Variants in TTC5 observed in about 807,000 individuals in gnomAD.
The protein encoded by TTC5 is tetratricopeptide repeat protein 5.
A neutral mutation model predicts 57.4 loss-of-function variants in TTC5; 46 were observed. The observed-to-expected ratio is 0.80, with a 90% CI of 0.63 to 1.03. The LOEUF (loss-of-function observed/expected upper bound fraction) is 1.03. TTC5 is among the 50% of genes least tolerant of loss of function. The probability of loss-of-function intolerance (pLI) is 0.00; values close to 1 mark genes in which losing one functional copy is unlikely to be tolerated. For synonymous variants in TTC5, 190 were observed against 203.5 expected (o/e 0.93, Z 0.57); for missense variants, 504 against 528.1 (o/e 0.95, Z 0.45).
intron 5 of TTC5, 57 bp downstream of exon 5, chr14:20,298,740 A>C: frequency 8.0e-7 from 1 of 1,253,240 alleles, no homozygotes; most frequent in Middle Eastern, 1.9e-4. Flanking sequence ...AAGACTGAAC[A>C]ATGCTCTTGC....
intron 6 of TTC5, 53 bp from the exon 7 acceptor site, chr14:20,295,907 G>A: frequency 6.7e-7 from 1 of 1,484,730 alleles, no homozygotes; most frequent in African/African-American, 1.4e-5. Flanking sequence ...ACTATCCCGA[G>A]GGAATGGCAC....
chr14:20,303,168 G>A (rs1029546894), intron 1 of TTC5, among the ~76,000 whole-genome samples: 2 of 149,566 alleles, frequency 1.3e-5, no homozygotes, highest in African/African-American at 5.0e-5. Context: ...CTCCAGCCTG[G>A]CAACAGAGCA....
intron 9 of TTC5, among the ~76,000 whole-genome samples, chr14:20,291,011 G>A (rs55828204): frequency 0.059 from 8,914 of 151,922 alleles, 370 homozygotes; most frequent in Middle Eastern, 0.11. Context: ...AAAATATTAC[G>A]CTTCTGTCCA....
chr14:20,294,912 C>G (rs1882028349), intron 8 of TTC5: 1 of 187,790 alleles, frequency 5.3e-6, no homozygotes, highest in Non-Finnish European at 1.1e-5. Context: ...TAACTCAAAG[C>G]TCACTTTTCA....
chr14:20,290,626 T>C (rs1445273591), intron 9 of TTC5, among the ~76,000 whole-genome samples: 4 of 152,352 alleles, frequency 2.6e-5, no homozygotes, highest in South Asian at 4.1e-4. Context: ...CAAAGAATTA[T>C]TTGGCAATAT....
At chr14:20,292,460 G>C (rs894051307) in intron 8 of TTC5, 1 of 157,724 alleles carries the variant, frequency 6.3e-6, no homozygotes, top group African/African-American at 2.4e-5. Context: ...AAATATTAAT[G>C]ATGAACTAGA....
chr14:20,305,778 C>A, intron 1 of TTC5, 109 bp downstream of exon 1: 1 of 1,159,250 alleles, frequency 8.6e-7, no homozygotes, highest in South Asian at 1.2e-5. Context: ...CACACAGACG[C>A]ACGCAGCTTC....
Position 20,299,339 on chromosome 14 carries a change from T to C in TTC5, c.506A>G (p.Lys169Arg). 1 of 1,614,188 alleles carries C rather than the reference T, an allele frequency of 6.2e-7. No homozygotes were observed. The highest frequency in any genetic ancestry group is 2.2e-5 in the East Asian group (1 of 44,878). ...ATGGACATCCATCTGAACAGCCAAC[T>C]TAGCCTGTCGGACACTGTCCATGAC... is the stretch of plus-strand genomic sequence containing the variant. ...HHVMDSVRQA[K>R]LAVQMDVHDG... The change falls in exon 4 of 10, where the codon AAG (lysine) becomes AGG (arginine). Residue 169 changes from lysine (K) to arginine (R), a missense_variant. Transcript: ENST00000258821.
Position 20,300,703 on chromosome 14 carries a change from G to A in TTC5, c.300C>T (p.Pro100=), listed in dbSNP as rs192263592. ...GCTGGTTCCAGGCTTCCACCAGCTC[G>A]GGCTCCAGCTTCACAGCCTTTGACA... ...ELLSKAVKLE[P]ELVEAWNQLG... The change falls in exon 3 of 10, where the codon CCC becomes CCT. Residue 100 remains proline (P), a synonymous_variant. Coordinates refer to ENST00000258821, the MANE Select transcript of TTC5 (RefSeq NM_138376.3). 3.6e-4 allele frequency: 581 copies of A among 1,614,128 alleles called. 5 individuals carry two copies. In the East Asian group the frequency reaches 1.0e-2, roughly 28 times the overall value.
At chr14:20,295,288 G>A (rs146750270) in intron 8 of TTC5, 24 bp downstream of exon 8, 23 of 1,608,980 alleles carry the variant, frequency 1.4e-5, no homozygotes, top group Middle Eastern at 1.7e-4. Context: ...AGGGTAAAAT[G>A]GGGGAAATCC....
At chr14:20,302,013 G>C in intron 1 of TTC5, 48 bp from the exon 2 acceptor site, 1 of 1,607,076 alleles carries the variant, frequency 6.2e-7, no homozygotes, top group East Asian at 2.2e-5. Flanking sequence ...TCACTGGATA[G>C]GGAAACTTGA....
Position 20,295,542 on chromosome 14 carries a change from A to G in TTC5, c.844-16T>C. The G allele has an allele frequency of 6.9e-6, 11 of 1,603,810 alleles. No individual in the cohort carries two copies. The highest frequency in any genetic ancestry group is 8.5e-6 in the Non-Finnish European group (10 of 1,172,986). On this transcript the variant is annotated splice_polypyrimidine_tract_variant and intron_variant, in intron 7 of 9. Transcript: ENST00000258821. Reference sequence around the variant, plus strand: ...TCACCTTTCCCTGCAAAGAAGGGGAAATAGGTAAGAAGCTGGAAACTAGTC... The same window carrying G: ...TCACCTTTCCCTGCAAAGAAGGGGAGATAGGTAAGAAGCTGGAAACTAGTC...
chr14:20,303,017 C>T (rs941436390), intron 1 of TTC5, among the ~76,000 whole-genome samples: 1 of 151,688 alleles, frequency 6.6e-6, no homozygotes, highest in East Asian at 1.9e-4. Context: ...CATGGTGAAA[C>T]CCGGTCTCTA....
Position 20,289,457 on chromosome 14 carries a change from T to G in TTC5, c.*170A>C, listed in dbSNP as rs1041118278. On this transcript the variant is annotated 3_prime_UTR_variant, in exon 10 of 10. Coordinates refer to ENST00000258821, the MANE Select transcript of TTC5 (RefSeq NM_138376.3). ...GGCCCTGTAGAGAGCTGGAACATGA[T>G]GAGGACAGAGGAGAGAGAAGAGATA... 2.6e-5 allele frequency: 18 copies of G among 688,812 alleles called. No homozygotes were observed. The African/African-American group carries it at 2.9e-4, about 11-fold the overall frequency. The allele number at this position is 688,812 out of a possible 1,614,324, so 42.7% of individuals were successfully genotyped here.
chr14:20,305,911 G>A lies in TTC5; in HGVS notation c.27C>T (p.Val9=), dbSNP rs201838631. Residue 9 remains valine (V), a synonymous_variant, in exon 1 of 10, where the codon GTC becomes GTT. Transcript: ENST00000258821. ...CCTGCAATTTCTGCAAGATCGGCTT[G>A]ACTTCTTCCTCTTCATCAGCCATCA... is the stretch of plus-strand genomic sequence containing the variant. MMADEEEE[V]KPILQKLQEL... 1.2e-6 allele frequency: 2 copies of A among 1,613,598 alleles called. No individual in the cohort carries two copies. Among genetic ancestry groups the A allele is most frequent in the Non-Finnish European group, 1.7e-6 (2 of 1,179,936 alleles).
intron 1 of TTC5, 116 bp from the exon 2 acceptor site, chr14:20,302,081 G>T: frequency 1.7e-6 from 2 of 1,163,994 alleles, no homozygotes. Context: ...TCTCACCTAT[G>T]AATGGCACAA....
chr14:20,294,785 C>G (rs552626269), intron 8 of TTC5: 3 of 152,722 alleles, frequency 2.0e-5, no homozygotes, highest in Admixed American at 2.0e-4. Flanking sequence ...CTAGAAGCAC[C>G]TGCACCTGGG....
In TTC5 at chr14:20,300,810, G is replaced by T. The variant is rs777304039; in HGVS notation, c.193C>A (p.Gln65Lys). 52 of 1,608,176 alleles carry T rather than the reference G, an allele frequency of 3.2e-5. 2 individuals carry two copies. The South Asian group carries it at 5.8e-4, about 18-fold the overall frequency. ...AGCATTAGAACTTGTGCCTTGCCCT[G>T]GACAGAACCTAAGAGGAAGAAAAAA... ...QQMEEVVGSVQGKAQVLMLTG... is the reference protein window; with the variant it reads ...QQMEEVVGSVKGKAQVLMLTG... The change falls in exon 3 of 10, where the codon CAG becomes AAG. Residue 65 changes from glutamine to lysine, a missense_variant. Physicochemically the swap from Gln to Lys is moderately conservative, Grantham distance 53. Transcript: ENST00000258821.
intron 5 of TTC5, among the ~76,000 whole-genome samples, chr14:20,298,177 A>T (rs1882104753): frequency 6.6e-6 from 1 of 152,234 alleles, no homozygotes; most frequent in Non-Finnish European, 1.5e-5. Flanking sequence ...GTCAGAAGCC[A>T]ATTCTAATAA....
Sources: gnomAD v4.1 joint callset for allele counts (sites outside exome capture counted in the v4.1 genomes callset) on GRCh38, gnomAD v4.1.1 for gene constraint, MANE v1.5 for transcripts, NCBI Gene and HGNC (gene_info 2026-07-23, HGNC 2026-07-21) for gene names.